The following TMEM143 variants were observed in gnomAD, a reference collection of about 807,000 sequenced individuals.
The protein encoded by TMEM143 is transmembrane protein 143.
A neutral mutation model predicts 40.3 loss-of-function variants in TMEM143; 45 were observed. The ratio of observed to expected loss-of-function variants is 1.12; its 90% CI spans 0.88 to 1.43. The LOEUF (loss-of-function observed/expected upper bound fraction) is 1.43. Ranked by LOEUF, TMEM143 falls within the 40% of genes most tolerant of loss-of-function variation. The pLI is 0.00. For missense variants in TMEM143, 620 were observed against 613.4 expected (o/e 1.01, Z -0.11); for synonymous variants, 299 against 282.7 (o/e 1.06, Z -0.58).
intron 6 of TMEM143, 63 bp from the exon 7 acceptor site, chr19:48,334,260 C>T (rs1207944966): frequency 6.7e-7 from 1 of 1,486,988 alleles, no homozygotes; most frequent in Admixed American, 2.1e-5. Flanking sequence ...TACACAGCCC[C>T]CGGGGTCACC....
intron 3 of TMEM143, among the ~76,000 whole-genome samples, chr19:48,356,893 C>CTTTT (rs150265757): frequency 4.0e-5 from 2 of 50,388 alleles, no homozygotes; most frequent in Non-Finnish European, 7.1e-5. Flanking sequence ...AGCACCTGGC[C>CTTTT]TTTTTTTTTT....
At chr19:48,346,947 C>T (rs891559754) in intron 3 of TMEM143, among the ~76,000 whole-genome samples, 3 of 152,094 alleles carry the variant, frequency 2.0e-5, no homozygotes, top group South Asian at 2.1e-4. Flanking sequence ...GTAAACAGCT[C>T]CCACAATCCA....
rs1280427205 is a variant in TMEM143, at chr19:48,342,838, G to A, written c.696-29C>T. The A allele has an allele frequency of 1.9e-6, 3 of 1,574,410 alleles. No individual in the cohort carries two copies. In the East Asian group the frequency reaches 6.8e-5, roughly 36 times the overall value. On this transcript the variant is annotated intron_variant, in intron 5 of 7. Transcript: ENST00000293261. ...AGGGACAGAGACAGAGGCAGGAGCA[G>A]GATCGGGACTGCACTGCCCGGGGAG...
At position 48,345,193 on chromosome 19, in the gene TMEM143, C is replaced by A; in HGVS notation, c.531G>T (p.Ala177=). ...CATCCTGAGGGTGGTGGACCACCAG[C>A]GCGTAGGCCAGGGTGTCCTCAGACA... ...SPLSEDTLAY[A]LVVHHPQDEV... is the part of the protein sequence containing the mutation. Residue 177 remains alanine, a synonymous_variant, in exon 4 of 8, where the codon GCG becomes GCT. Transcript: ENST00000293261. 1.2e-6 allele frequency: 2 copies of A among 1,613,604 alleles called. No individual in the cohort carries two copies. The highest frequency in any genetic ancestry group is 8.5e-7 in the Non-Finnish European group (1 of 1,179,742).
intron 3 of TMEM143, among the ~76,000 whole-genome samples, chr19:48,350,805 C>T (rs1969751360): frequency 6.6e-6 from 1 of 151,136 alleles, no homozygotes; most frequent in Non-Finnish European, 1.5e-5. Context: ...GCCTGTAGTC[C>T]CAGCTACTTG....
chr19:48,343,241 C>T, intron 5 of TMEM143, 80 bp downstream of exon 5: 1 of 1,508,482 alleles, frequency 6.6e-7, no homozygotes, highest in Non-Finnish European at 8.9e-7. Flanking sequence ...GACACCCAAA[C>T]CAGACACTGA....
At chr19:48,342,041 G>A in intron 6 of TMEM143, among the ~76,000 whole-genome samples, 1 of 148,004 alleles carries the variant, frequency 6.8e-6, no homozygotes, top group Middle Eastern at 3.5e-3. Context: ...AAGGGAAGGG[G>A]AAGGGAGGGG....
chr19:48,357,198 C>T (rs192001401), intron 3 of TMEM143, among the ~76,000 whole-genome samples: 1 of 151,908 alleles, frequency 6.6e-6, no homozygotes, highest in East Asian at 1.9e-4. Flanking sequence ...TTCAGCTGAT[C>T]CACCTGCTTT....
intron 4 of TMEM143, 33 bp from the exon 5 acceptor site, chr19:48,343,484 G>T: frequency 1.3e-6 from 2 of 1,550,414 alleles, no homozygotes; most frequent in South Asian, 2.4e-5. Flanking sequence ...AGTGGCGGGT[G>T]AACATGGGCA....
chr19:48,334,114 C>A lies in TMEM143; in HGVS notation c.1059G>T (p.Leu353=). Reference sequence around the variant, plus strand: ...GCGCGCGCAGGGCCAGGGCGCTGAGCAGCTCCGAGTTGTTGGACGTACTGC... The same window carrying A: ...GCGCGCGCAGGGCCAGGGCGCTGAGAAGCTCCGAGTTGTTGGACGTACTGC... ...YYRSTSNNSE[L]LSALALRAQD... is the part of the protein sequence containing the mutation. The change falls in exon 7 of 8, where the codon CTG becomes CTT. Residue 353 remains leucine, a synonymous_variant. Transcript: ENST00000293261. 1 of 1,603,160 alleles carries A rather than the reference C, an allele frequency of 6.2e-7. No homozygotes were observed. The highest frequency in any genetic ancestry group is 8.5e-7 in the Non-Finnish European group (1 of 1,175,710).
At chr19:48,340,128 T>TC (rs1969457741) in intron 6 of TMEM143, among the ~76,000 whole-genome samples, 1 of 144,398 alleles carries the variant, frequency 6.9e-6, no homozygotes, top group Non-Finnish European at 1.5e-5. Flanking sequence ...GGGATTTTTT[T>TC]TTTTTTTTTT....
chr19:48,358,707 T>C (rs1969966630), intron 3 of TMEM143, among the ~76,000 whole-genome samples: 1 of 152,212 alleles, frequency 6.6e-6, no homozygotes. Context: ...GGAGCTTCCA[T>C]TATCTCTCCC....
chr19:48,334,459 TTTCTTTC>T (rs1188096877), intron 6 of TMEM143, among the ~76,000 whole-genome samples: 9 of 37,358 alleles, frequency 2.4e-4, no homozygotes, highest in African/African-American at 1.1e-3. Flanking sequence ...TCTTTCTTTC[TTTCTTTC>T]TTTCTTTCTT....
intron 3 of TMEM143, among the ~76,000 whole-genome samples, chr19:48,347,409 C>G (rs1351041848): frequency 6.6e-6 from 1 of 152,106 alleles, no homozygotes; most frequent in Non-Finnish European, 1.5e-5. Flanking sequence ...AGCAAGGAGA[C>G]TGGGATGCAG....
rs1184809072 is a variant in TMEM143 at position 48,363,300 on chromosome 19, G to A, written c.255C>T (p.Leu85=). 1 of 1,613,866 alleles carries A rather than the reference G, an allele frequency of 6.2e-7. No individual in the cohort carries two copies. The highest frequency in any genetic ancestry group is 1.7e-5 in the Admixed American group (1 of 59,982). Residue 85 remains leucine (L), a synonymous_variant, in exon 2 of 8, where the codon CTC becomes CTT. Coordinates refer to ENST00000293261, the MANE Select transcript of TMEM143 (RefSeq NM_018273.4). ...IPFSKEQLLR[L]LIQEFHSSPA... is the part of the protein sequence containing the mutation. The stretch of plus-strand genomic sequence containing the variant: ...CTGGGACAGGCGGTACCTGTATTAG[G>A]AGGCGGAGCAGCTGCTCCTTGGAGA...
chr19:48,363,635 G>T (rs777730522), intron 1 of TMEM143, 104 bp from the exon 2 acceptor site: 2 of 1,479,122 alleles, frequency 1.4e-6, no homozygotes, highest in Non-Finnish European at 1.8e-6. Flanking sequence ...CCCAGGCAGG[G>T]CGCAGAGCCC....
chr19:48,333,969 T>G lies in TMEM143; in HGVS notation c.1165+39A>C, dbSNP rs2147350879. 1 of 1,487,460 alleles carries G rather than the reference T, an allele frequency of 6.7e-7. No homozygotes were observed. The highest frequency in any genetic ancestry group is 8.9e-7 in the Non-Finnish European group (1 of 1,118,632). 92.1% of individuals were successfully genotyped at this position (1,487,460 alleles called of 1,614,324 possible). On this transcript the variant is annotated intron_variant, in intron 7 of 7. Transcript: ENST00000293261. This position sits in a 1 kb window ranked among gnomAD's most constrained non-coding sequence, Gnocchi z 4.1. The stretch of plus-strand genomic sequence containing the variant: ...TCGCTGGGGCGGGGCCTCGCGGGGG[T>G]GTGGCCCCTGGGGGCAGGGTCCCAG...
chr19:48,348,267 C>T (rs1969689605), intron 3 of TMEM143, among the ~76,000 whole-genome samples: 1 of 152,158 alleles, frequency 6.6e-6, no homozygotes, highest in African/African-American at 2.4e-5. Flanking sequence ...CACATCCTCC[C>T]AGGGCTTTGG....
At position 48,343,418 on chromosome 19, in the gene TMEM143, G is replaced by C; in HGVS notation, c.598C>G (p.His200Asp). 1 of 1,589,312 alleles carries C rather than the reference G, an allele frequency of 6.3e-7. No individual in the cohort carries two copies. The highest frequency in any genetic ancestry group is 8.6e-7 in the Non-Finnish European group (1 of 1,167,586). ...TVNLDQYVYI[H>D]FWALGQRVGQ... ...ACTCGCTGGCCCAGGGCCCAGAAGT[G>C]AATGTAGACATACTGATCCAAATTT... is the stretch of plus-strand genomic sequence containing the variant. The change falls in exon 5 of 8, where the codon CAC (histidine) becomes GAC (aspartate). Residue 200 changes from histidine to aspartate, a missense_variant. Physicochemically the swap from His to Asp is moderately conservative, Grantham distance 81. Transcript: ENST00000293261.
Sources: allele counts gnomAD v4.1 joint callset (sites outside exome capture counted in the v4.1 genomes callset), GRCh38; gene constraint gnomAD v4.1.1; non-coding constraint Gnocchi (gnomAD v3.1); transcripts MANE v1.5; gene names NCBI Gene and HGNC (gene_info 2026-07-23, HGNC 2026-07-21).